XKR9: variants seen among roughly 807,000 people sequenced by gnomAD.
XKR9 encodes the protein XK-related protein 9.
In XKR9, 32 loss-of-function variants were observed where a neutral mutation model predicts 32.0. The observed-to-expected ratio is 1.00, with a 90% CI of 0.76 to 1.34. The LOEUF (loss-of-function observed/expected upper bound fraction) is 1.34. Among genes scored for constraint, XKR9 ranks in the 40% most tolerant of loss-of-function variants. XKR9 has a pLI of 0.00. For missense variants in XKR9, 546 were observed against 429.7 expected, an observed-to-expected ratio of 1.27 and a Z score of -2.39; for synonymous variants, 168 against 143.4, an observed-to-expected ratio of 1.17 and a Z score of -1.22.
chr8:70,949,412 A>C, the XKR9 span, among the ~76,000 whole-genome samples: 1 of 152,020 alleles, frequency 6.6e-6, no homozygotes, highest in African/African-American at 2.4e-5. Context: ...AGTATGCTTT[A>C]GATTTCTAAA....
chr8:70,669,343 G>T lies in XKR9; in HGVS notation c.-556G>T. 1 of 538,206 alleles carries T rather than the reference G, an allele frequency of 1.9e-6. No individual in the cohort carries two copies. Among genetic ancestry groups the T allele is most frequent in the Non-Finnish European group, 3.2e-6 (1 of 313,048 alleles). The allele number at this position is 538,206 out of a possible 1,614,324, so 33.3% of individuals were successfully genotyped here. On this transcript the variant is annotated 5_prime_UTR_variant, in exon 1 of 5. Coordinates refer to ENST00000408926, the MANE Select transcript of XKR9 (RefSeq NM_001011720.2). Reference sequence around the variant, plus strand: ...TGGGGGGGGCGGTGCGGAACTAGAGGTCACGTGACGCCGCGCGGGCTGCGC... The same window carrying T: ...TGGGGGGGGCGGTGCGGAACTAGAGTTCACGTGACGCCGCGCGGGCTGCGC...
At chr8:70,670,029 C>T (rs531517874) in intron 1 of XKR9, among the ~76,000 whole-genome samples, 2 of 152,294 alleles carry the variant, frequency 1.3e-5, no homozygotes, top group East Asian at 3.9e-4. Flanking sequence ...CCTACTATGC[C>T]TAAGTGCTTT....
At chr8:70,701,019 C>T (rs991674101) in intron 3 of XKR9, among the ~76,000 whole-genome samples, 3 of 152,176 alleles carry the variant, frequency 2.0e-5, no homozygotes, top group African/African-American at 7.2e-5. Context: ...GCTGGTGTGC[C>T]GTTTTTTAAG....
chr8:70,938,783 A>G, the XKR9 span, among the ~76,000 whole-genome samples: 1 of 151,936 alleles, frequency 6.6e-6, no homozygotes, highest in South Asian at 2.1e-4. Context: ...TCTTCTCCCC[A>G]TTTAGTTCAA....
the XKR9 span, among the ~76,000 whole-genome samples, chr8:70,813,868 T>C: frequency 6.6e-6 from 1 of 152,184 alleles, no homozygotes; most frequent in Non-Finnish European, 1.5e-5. Context: ...GTTCAACCAT[T>C]GTGGAAGTCA....
chr8:70,873,460 A>G, the XKR9 span, among the ~76,000 whole-genome samples: 2 of 152,236 alleles, frequency 1.3e-5, no homozygotes, highest in Non-Finnish European at 2.9e-5. Context: ...GAAAGTCAAA[A>G]TATCAACATT....
intron 2 of XKR9, among the ~76,000 whole-genome samples, chr8:70,767,095 A>G (rs1274423029): frequency 3.3e-5 from 5 of 152,178 alleles, no homozygotes; most frequent in Non-Finnish European, 5.9e-5. Context: ...TTTTGGTATC[A>G]GGATGATGCT....
the XKR9 span, among the ~76,000 whole-genome samples, chr8:70,851,906 T>C: frequency 6.4e-4 from 98 of 152,268 alleles, no homozygotes; most frequent in Non-Finnish European, 1.2e-3. Flanking sequence ...CCAAAAGCAA[T>C]TGCAACAAAA....
chr8:70,674,373 G>A (rs1479714295), intron 1 of XKR9, among the ~76,000 whole-genome samples: 1 of 152,162 alleles, frequency 6.6e-6, no homozygotes, highest in Non-Finnish European at 1.5e-5. Flanking sequence ...TTGAGCAAAG[G>A]CTTGGAAATG....
chr8:70,787,759 C>T (rs1586899001), intron 2 of XKR9, among the ~76,000 whole-genome samples: 1 of 152,110 alleles, frequency 6.6e-6, no homozygotes, highest in South Asian at 2.1e-4. Context: ...CAAAATGTTG[C>T]ACTAGGTATC....
At chr8:70,835,435 G>C in the XKR9 span, among the ~76,000 whole-genome samples, 1 of 152,136 alleles carries the variant, frequency 6.6e-6, no homozygotes, top group South Asian at 2.1e-4. Context: ...AGCATCATTG[G>C]CTTACCTTCA....
the XKR9 span, among the ~76,000 whole-genome samples, chr8:70,796,161 C>G: frequency 2.6e-5 from 4 of 151,924 alleles, no homozygotes; most frequent in East Asian, 5.8e-4. Context: ...TTTTACCACA[C>G]AGGTAATAAG....
chr8:70,703,798 GA>G (rs1805623682), intron 3 of XKR9, among the ~76,000 whole-genome samples: 1 of 152,110 alleles, frequency 6.6e-6, no homozygotes, highest in Non-Finnish European at 1.5e-5. Context: ...TCAAATAAAA[GA>G]AGATATAGGG....
chr8:70,710,517 A>G (rs770846248), intron 4 of XKR9, among the ~76,000 whole-genome samples: 3 of 152,110 alleles, frequency 2.0e-5, no homozygotes, highest in Non-Finnish European at 4.4e-5. Flanking sequence ...CCTGGCCAAC[A>G]TGGTGAAACC....
At chr8:70,778,146 G>A (rs953754111) in intron 2 of XKR9, among the ~76,000 whole-genome samples, 27 of 152,170 alleles carry the variant, frequency 1.8e-4, no homozygotes, top group African/African-American at 6.0e-4. Context: ...TGTAAGGAAG[G>A]GATACAGTTT....
chr8:70,928,152 C>T, the XKR9 span, among the ~76,000 whole-genome samples: 6 of 152,178 alleles, frequency 3.9e-5, no homozygotes, highest in Non-Finnish European at 7.3e-5. Context: ...AAGCAATCCT[C>T]CTGCTGTAGC....
the XKR9 span, among the ~76,000 whole-genome samples, chr8:70,833,435 CA>C: frequency 6.6e-6 from 1 of 151,880 alleles, no homozygotes; most frequent in African/African-American, 2.4e-5. Flanking sequence ...TATTACTTTC[CA>C]AAAACATTTT....
chr8:70,996,994 A>C, the XKR9 span, among the ~76,000 whole-genome samples: 1 of 152,214 alleles, frequency 6.6e-6, no homozygotes, highest in Non-Finnish European at 1.5e-5. Flanking sequence ...TGGTATGATT[A>C]TCCATAAAAA....
chr8:70,973,970 T>C, the XKR9 span, among the ~76,000 whole-genome samples: 1 of 152,196 alleles, frequency 6.6e-6, no homozygotes, highest in Non-Finnish European at 1.5e-5. Context: ...TCAATATCTG[T>C]TTAGTCCATT....
Sources: gnomAD v4.1 joint callset for allele counts (sites outside exome capture counted in the v4.1 genomes callset) on GRCh38, gnomAD v4.1.1 for gene constraint, MANE v1.5 for transcripts, NCBI Gene and HGNC (gene_info 2026-07-23, HGNC 2026-07-21) for gene names.